Variants in FKBP15 observed in about 807,000 individuals in gnomAD.
The protein encoded by FKBP15 is FKBP prolyl isomerase family member 15.
A neutral mutation model predicts 158.1 loss-of-function variants in FKBP15; 106 were observed. The observed-to-expected ratio is 0.67, with a 90% CI of 0.57 to 0.79. The LOEUF (loss-of-function observed/expected upper bound fraction) is 0.79. Ranked by LOEUF, FKBP15 falls within the 30% of genes least tolerant of loss-of-function variation. The pLI is 0.00. For synonymous variants in FKBP15, 547 were observed against 548.6 expected (o/e 1.00, Z 0.04); for missense variants, 1,287 against 1,479.1 (o/e 0.87, Z 2.13).
Position 113,176,690 on chromosome 9 carries a change from G to T in FKBP15, c.2087-17C>A. On this transcript the variant is annotated splice_polypyrimidine_tract_variant and intron_variant, in intron 20 of 27. Coordinates refer to ENST00000238256, the MANE Select transcript of FKBP15 (RefSeq NM_015258.2). ...CTTGGAGCTCTGGGATACAGGAGCA[G>T]AGAGACTTCGCTACAGAACCAAAGC... is the stretch of plus-strand genomic sequence containing the variant. 6.2e-7 allele frequency: 1 copy of T among 1,606,790 alleles called. No homozygotes were observed. The highest frequency in any genetic ancestry group is 1.3e-5 in the African/African-American group (1 of 74,982).
rs374548536 is a variant in FKBP15, at chr9:113,186,839, G to A, written c.1384-476C>T. 3.2e-5 allele frequency: 5 copies of A among 156,444 alleles called. No homozygotes were observed. The South Asian group carries it at 5.7e-4, about 18-fold the overall frequency. The allele number at this position is 156,444 out of a possible 1,614,324, so 9.7% of individuals were successfully genotyped here. On this transcript the variant is annotated intron_variant, in intron 14 of 27. Coordinates refer to ENST00000238256, the MANE Select transcript of FKBP15 (RefSeq NM_015258.2). Reference sequence around the variant, plus strand: ...GAGCTCTCATGTTCCTTTGAGTCTCGGTCACCTCAACTGTAAGAGGAAGAT... The same window carrying A: ...GAGCTCTCATGTTCCTTTGAGTCTCAGTCACCTCAACTGTAAGAGGAAGAT...
chr9:113,161,479 A>G lies in FKBP15; in HGVS notation c.*4599T>C. On this transcript the variant is annotated 3_prime_UTR_variant, in exon 28 of 28. Coordinates refer to ENST00000238256, the MANE Select transcript of FKBP15 (RefSeq NM_015258.2). The stretch of plus-strand genomic sequence containing the variant: ...GAAGGGAAACAGTGCTGGCCTGGCC[A>G]GGTCTCCACAACTCTGCCTCCTTTG... 1 of 1,609,206 alleles carries G rather than the reference A, an allele frequency of 6.2e-7. No homozygotes were observed. The highest frequency in any genetic ancestry group is 8.5e-7 in the Non-Finnish European group (1 of 1,176,474).
intron 12 of FKBP15, among the ~76,000 whole-genome samples, 175 bp downstream of exon 12, chr9:113,190,296 G>A (rs1830553192): frequency 6.6e-6 from 1 of 152,132 alleles, no homozygotes; most frequent in Non-Finnish European, 1.5e-5. Context: ...CATCTCTCAG[G>A]GAAGTACTAA....
Position 113,163,055 on chromosome 9 carries a change from C to A in FKBP15, c.*3023G>T. 1 of 804,060 alleles carries A rather than the reference C, an allele frequency of 1.2e-6. No individual in the cohort carries two copies. The highest frequency in any genetic ancestry group is 1.8e-6 in the Non-Finnish European group (1 of 543,478). 49.8% of individuals were successfully genotyped at this position (804,060 alleles called of 1,614,324 possible). ...GCCCCTGGAAACTTTGAGCTGAAGCCAGCACTTGCTCCCTGGAGTTCGGAA... is the reference window on the plus strand; with the variant it reads ...GCCCCTGGAAACTTTGAGCTGAAGCAAGCACTTGCTCCCTGGAGTTCGGAA... On this transcript the variant is annotated 3_prime_UTR_variant, in exon 28 of 28. Coordinates refer to ENST00000238256, the MANE Select transcript of FKBP15 (RefSeq NM_015258.2).
chr9:113,165,961 T>C lies in FKBP15; in HGVS notation c.*117A>G, dbSNP rs954603238. On this transcript the variant is annotated 3_prime_UTR_variant, in exon 28 of 28. Coordinates refer to ENST00000238256, the MANE Select transcript of FKBP15 (RefSeq NM_015258.2). ...ACCCACCCTCTGAGCCCAAATATTG[T>C]TCCCAGAATGCTCACCTTGACCTCA... The C allele has an allele frequency of 1.1e-6, 1 of 928,764 alleles. No individual in the cohort carries two copies. 57.5% of individuals were successfully genotyped at this position (928,764 alleles called of 1,614,324 possible).
In FKBP15 at chr9:113,168,358, G is replaced by C; in HGVS notation, c.3582+102C>G. The C allele has an allele frequency of 5.0e-6, 5 of 995,594 alleles. 1 individual carries two copies. Among genetic ancestry groups the C allele is most frequent in the Non-Finnish European group, 7.7e-6 (5 of 649,794 alleles). 61.7% of individuals were successfully genotyped at this position (995,594 alleles called of 1,614,324 possible). Reference sequence around the variant, plus strand: ...CACAGGGCCCTGCACACAGAGTCCAGGGAGTGGGCCACCAACAGGCTCCAT... The same window carrying C: ...CACAGGGCCCTGCACACAGAGTCCACGGAGTGGGCCACCAACAGGCTCCAT... On this transcript the variant is annotated intron_variant, in intron 27 of 27. Transcript: ENST00000238256.
intron 12 of FKBP15, among the ~76,000 whole-genome samples, chr9:113,190,209 CA>C (rs1456529784): frequency 2.0e-5 from 3 of 152,290 alleles, no homozygotes; most frequent in Admixed American, 1.3e-4. Flanking sequence ...TTAGTAACAA[CA>C]GAGATTCTAG....
intron 20 of FKBP15, among the ~76,000 whole-genome samples, chr9:113,178,153 G>C (rs1830330949): frequency 6.6e-6 from 1 of 152,186 alleles, no homozygotes; most frequent in African/African-American, 2.4e-5. Flanking sequence ...CTGAAGAGCA[G>C]CCAGCAGGCT....
At chr9:113,167,067 C>T (rs1283640882) in intron 27 of FKBP15, among the ~76,000 whole-genome samples, 1 of 152,246 alleles carries the variant, frequency 6.6e-6, no homozygotes, top group African/African-American at 2.4e-5. Flanking sequence ...GTACTTCTCT[C>T]TGGACATCAA....
chr9:113,204,750 T>A (rs1830856647), intron 4 of FKBP15, among the ~76,000 whole-genome samples: 1 of 152,242 alleles, frequency 6.6e-6, no homozygotes, highest in Admixed American at 6.5e-5. Flanking sequence ...CTGACTCTGT[T>A]AAACCCATCC....
intron 23 of FKBP15, among the ~76,000 whole-genome samples, chr9:113,173,252 T>G (rs12115388): frequency 0.075 from 11,494 of 152,272 alleles, 514 homozygotes; most frequent in South Asian, 0.14. Flanking sequence ...GGAACACTAG[T>G]GCTGTTTTCT....
chr9:113,215,654 T>A (rs1242632934), intron 1 of FKBP15, among the ~76,000 whole-genome samples: 72 of 133,166 alleles, frequency 5.4e-4, no homozygotes, highest in African/African-American at 1.6e-3. Context: ...ATTTTTTTTT[T>A]TTTTTTTTTT....
At chr9:113,189,244 T>A (rs987952938) in intron 12 of FKBP15, among the ~76,000 whole-genome samples, 54 of 152,190 alleles carry the variant, frequency 3.5e-4, no homozygotes, top group Admixed American at 3.5e-3. Context: ...AGTTTTAGAT[T>A]TCTACAGCTC....
intron 6 of FKBP15, among the ~76,000 whole-genome samples, chr9:113,202,000 C>T (rs1830800660): frequency 6.6e-6 from 1 of 151,950 alleles, no homozygotes; most frequent in Admixed American, 6.6e-5. Context: ...TCTAAATTTT[C>T]TACAATGAGT....
intron 4 of FKBP15, among the ~76,000 whole-genome samples, chr9:113,205,010 A>G (rs1318324736): frequency 1.3e-5 from 2 of 152,166 alleles, no homozygotes; most frequent in African/African-American, 4.8e-5. Context: ...ACCTCTTCAC[A>G]TGTCAAGTAA....
At chr9:113,206,898 A>G in intron 3 of FKBP15, 2 of 422,416 alleles carry the variant, frequency 4.7e-6, no homozygotes, top group South Asian at 3.6e-5. Context: ...TTTATAATTT[A>G]AAGCTCATAT....
rs781482365 is a variant in FKBP15, at chr9:113,174,462, G to A, written c.2345C>T (p.Thr782Ile). 1.9e-6 allele frequency: 3 copies of A among 1,613,976 alleles called. No homozygotes were observed. The highest frequency in any genetic ancestry group is 2.5e-6 in the Non-Finnish European group (3 of 1,179,884). Residue 782 changes from threonine to isoleucine, a missense_variant, in exon 22 of 28, where the codon ACT (threonine) becomes ATT (isoleucine). Transcript: ENST00000238256. ...LDKLRQLLKK[T>I]RVSTDQAAAE... The stretch of plus-strand genomic sequence containing the variant: ...AGCTGCTTGGTCTGTGGACACTCGA[G>A]TCTTTTTCAAGAGCTGTCGAAGTTT...
At chr9:113,171,798 CTTTT>C (rs200502042) in intron 23 of FKBP15, 92 bp from the exon 24 acceptor site, 39 of 834,658 alleles carry the variant, frequency 4.7e-5, no homozygotes, top group Non-Finnish European at 4.5e-5. Context: ...CATCAAGTCT[CTTTT>C]TTTTTTTTTT....
chr9:113,215,644 ATTTTTTTTT>A (rs1285341545), intron 1 of FKBP15, among the ~76,000 whole-genome samples: 1 of 61,572 alleles, frequency 1.6e-5, no homozygotes, highest in Non-Finnish European at 2.7e-5. Context: ...ATATATATAT[ATTTTTTTTT>A]TTTTTTTTTT....
Sources: gnomAD v4.1 joint callset for allele counts (sites outside exome capture counted in the v4.1 genomes callset) on GRCh38, gnomAD v4.1.1 for gene constraint, MANE v1.5 for transcripts, NCBI Gene and HGNC (gene_info 2026-07-23, HGNC 2026-07-21) for gene names.